Variants in MROH1 observed in about 807,000 individuals in gnomAD.
MROH1 encodes maestro heat-like repeat-containing protein family member 1.
In MROH1, 117 loss-of-function variants were observed where a neutral mutation model predicts 116.5. The observed-to-expected ratio is 1.00, with a 90% CI of 0.86 to 1.17. The LOEUF (loss-of-function observed/expected upper bound fraction) is 1.17, where lower values mean the gene tolerates loss of function less well. Ranked by LOEUF, MROH1 falls within the 50% of genes most tolerant of loss-of-function variation. The pLI is 0.00. For missense variants in MROH1, 1,873 were observed against 1,338.5 expected, an observed-to-expected ratio of 1.40 and a Z score of -6.23; for synonymous variants, 921 against 583.9, an observed-to-expected ratio of 1.58 and a Z score of -8.32.
At chr8:144,229,201 G>C (rs932981202) in intron 14 of MROH1, among the ~76,000 whole-genome samples, 4 of 152,044 alleles carry the variant, frequency 2.6e-5, no homozygotes, top group Admixed American at 6.6e-5. Flanking sequence ...ATGAGGTTTG[G>C]AATCAACTTC....
intron 34 of MROH1, 92 bp from the exon 35 acceptor site, chr8:144,255,417 C>T (rs1235571853): frequency 3.0e-5 from 21 of 710,364 alleles, no homozygotes; most frequent in African/African-American, 5.2e-5. Context: ...GCACATGATG[C>T]AGGCGAAGGG....
intron 11 of MROH1, among the ~76,000 whole-genome samples, 162 bp from the exon 12 acceptor site, chr8:144,200,262 TAGAC>T (rs1265329568): frequency 6.6e-6 from 1 of 152,174 alleles, no homozygotes; most frequent in Non-Finnish European, 1.5e-5. Flanking sequence ...AACCCTGCCT[TAGAC>T]AGGGGCATCG....
chr8:144,248,865 C>A lies in MROH1; in HGVS notation c.3121-12C>A. On this transcript the variant is annotated splice_polypyrimidine_tract_variant and intron_variant, in intron 31 of 43. Coordinates refer to ENST00000326134, the MANE Select transcript of MROH1 (RefSeq NM_032450.3). ...CCCCTTCCCTCAACCTCTGGCATCG[C>A]CTTCCTCCTAGATTATTGCCAAGCG... The A allele has an allele frequency of 1.3e-6, 1 of 778,264 alleles. No homozygotes were observed. The highest frequency in any genetic ancestry group is 2.4e-5 in the East Asian group (1 of 41,174). The allele number at this position is 778,264 out of a possible 1,614,324, so 48.2% of individuals were successfully genotyped here.
At chr8:144,192,918 A>C in intron 10 of MROH1, 1 of 296,168 alleles carries the variant, frequency 3.4e-6, no homozygotes, top group East Asian at 1.1e-4. Flanking sequence ...GTCACCCGTG[A>C]CCTTGGCACT....
chr8:144,226,563 G>A (rs534504236), intron 14 of MROH1, among the ~76,000 whole-genome samples: 28 of 151,968 alleles, frequency 1.8e-4, no homozygotes, highest in Non-Finnish European at 3.4e-4. Flanking sequence ...AGCAATTCTC[G>A]TGCCTCAGCC....
chr8:144,156,990 G>A (rs1818313311), intron 1 of MROH1, among the ~76,000 whole-genome samples: 2 of 151,306 alleles, frequency 1.3e-5, no homozygotes, highest in East Asian at 2.0e-4. Flanking sequence ...GAGTCTCACT[G>A]TGTTGCCCAG....
intron 7 of MROH1, among the ~76,000 whole-genome samples, chr8:144,185,196 G>C (rs1826653850): frequency 6.6e-6 from 1 of 152,124 alleles, no homozygotes; most frequent in Admixed American, 6.5e-5. Context: ...CTCGTGCTGT[G>C]CCGCCTGACC....
At position 144,239,351 on chromosome 8, in the gene MROH1, C is replaced by T. The variant is rs959854925; in HGVS notation, c.1620C>T (p.Thr540=). 2.6e-6 allele frequency: 2 copies of T among 780,564 alleles called. No individual in the cohort carries two copies. The highest frequency in any genetic ancestry group is 4.8e-6 in the Non-Finnish European group (2 of 417,832). The allele number at this position is 780,564 out of a possible 1,614,324, so 48.4% of individuals were successfully genotyped here. A position where few individuals can be genotyped will look rare whatever the true frequency, so the allele number is the denominator to read the frequency against. ...HASLPSPYAV[T]GRLLVVSSSP... is the part of the protein sequence containing the mutation. ...GCCTCCCGTCTCCCTATGCTGTAAC[C>T]GGAAGACTGTTGGTGAGCCTCGCCC... Residue 540 remains threonine, a synonymous_variant, in exon 17 of 44, where the codon ACC becomes ACT. Coordinates refer to ENST00000326134, the MANE Select transcript of MROH1 (RefSeq NM_032450.3).
Position 144,174,432 on chromosome 8 carries a change from A to G in MROH1, c.169-5023A>G, listed in dbSNP as rs571496436. On this transcript the variant is annotated intron_variant, in intron 4 of 43. Coordinates refer to ENST00000326134, the MANE Select transcript of MROH1 (RefSeq NM_032450.3). ...GCCAAAAGTATGGTACTTATACCAT[A>G]AAATCAAACAATTCAAACCAACCCT... 2.0e-5 allele frequency among the ~76,000 whole-genome samples: 3 copies of G among 152,162 alleles called. No homozygotes were observed. The South Asian group carries it at 6.2e-4, about 32-fold the overall frequency.
Position 144,249,087 on chromosome 8 carries a change from G to A in MROH1, c.3273+58G>A, listed in dbSNP as rs1842400718. 5 of 707,488 alleles carry A rather than the reference G, an allele frequency of 7.1e-6. No homozygotes were observed. The South Asian group carries it at 7.4e-5, about 11-fold the overall frequency. The allele number at this position is 707,488 out of a possible 1,614,324, so 43.8% of individuals were successfully genotyped here. ...GGAGAAGGTGGGAGAGGGCGCGGTGGGACGGGCAGGGCAGGAGTGGGGTAG... is the reference window on the plus strand; with the variant it reads ...GGAGAAGGTGGGAGAGGGCGCGGTGAGACGGGCAGGGCAGGAGTGGGGTAG... On this transcript the variant is annotated intron_variant, in intron 32 of 43. Transcript: ENST00000326134.
At chr8:144,170,302 A>T (rs1822120647) in intron 4 of MROH1, among the ~76,000 whole-genome samples, 3 of 151,992 alleles carry the variant, frequency 2.0e-5, no homozygotes, top group African/African-American at 7.3e-5. Context: ...CCCTTTTCTA[A>T]CCTTTACATT....
intron 10 of MROH1, 144 bp downstream of exon 10, chr8:144,192,545 G>A (rs1159357062): frequency 1.1e-5 from 8 of 740,606 alleles, no homozygotes; most frequent in Admixed American, 4.0e-5. Flanking sequence ...AAGGTCACTC[G>A]GGTGACTTCT....
rs563112941 is a variant in MROH1 at position 144,210,418 on chromosome 8, G to C, written c.1141+9877G>C. ...ACGCCACTGCATAAACAGGCCCTGT[G>C]CGGTGGCTCACACCTGTAATCCCAG... On this transcript the variant is annotated intron_variant, in intron 12 of 43. Transcript: ENST00000326134. 2.2e-3 allele frequency among the ~76,000 whole-genome samples: 342 copies of C among 152,132 alleles called. 1 individual carries two copies. The highest frequency in any genetic ancestry group is 7.9e-3 in the African/African-American group (329 of 41,494).
chr8:144,244,405 G>C, intron 27 of MROH1, 39 bp from the exon 28 acceptor site: 1 of 729,620 alleles, frequency 1.4e-6, no homozygotes. Context: ...TAGGCTGCGG[G>C]GTCACTGGTG....
chr8:144,198,472 C>T (rs1256447956), intron 10 of MROH1, among the ~76,000 whole-genome samples: 2 of 152,154 alleles, frequency 1.3e-5, no homozygotes, highest in Non-Finnish European at 2.9e-5. Context: ...GGCTGGAGTG[C>T]GGTGGCACCA....
At chr8:144,200,727 C>T (rs1345205865) in intron 12 of MROH1, 186 bp downstream of exon 12, 4 of 585,256 alleles carry the variant, frequency 6.8e-6, no homozygotes, top group Non-Finnish European at 1.2e-5. Flanking sequence ...TACCTTTCTA[C>T]CCTTCGCCAT....
intron 14 of MROH1, among the ~76,000 whole-genome samples, chr8:144,237,993 G>A (rs1440832906): frequency 1.3e-5 from 2 of 152,154 alleles, no homozygotes; most frequent in Non-Finnish European, 2.9e-5. Flanking sequence ...CATGGGTGTT[G>A]TGGATTTATT....
rs1841464214 is a variant in MROH1, at chr8:144,244,054, T to G, written c.2555+112T>G. 7.0e-6 allele frequency: 5 copies of G among 715,266 alleles called. No homozygotes were observed. In the South Asian group the frequency reaches 7.4e-5, roughly 11 times the overall value. 44.3% of individuals were successfully genotyped at this position (715,266 alleles called of 1,614,324 possible). ...TGCATGTGCGTGTGTGTGCCTGTGC[T>G]TGCGTGTGTGCACGCCTTGTGTGTG... On this transcript the variant is annotated intron_variant, in intron 26 of 43. Coordinates refer to ENST00000326134, the MANE Select transcript of MROH1 (RefSeq NM_032450.3).
intron 13 of MROH1, among the ~76,000 whole-genome samples, chr8:144,221,715 C>T (rs918757331): frequency 1.3e-5 from 2 of 152,124 alleles, no homozygotes; most frequent in East Asian, 1.9e-4. Context: ...TTTTGGACAC[C>T]ACCTGCAATG....
Sources: allele counts gnomAD v4.1 joint callset (sites outside exome capture counted in the v4.1 genomes callset), GRCh38; gene constraint gnomAD v4.1.1; transcripts MANE v1.5; gene names NCBI Gene and HGNC (gene_info 2026-07-23, HGNC 2026-07-21).